MGRN1: variants seen among roughly 807,000 people sequenced by gnomAD.
MGRN1 encodes E3 ubiquitin-protein ligase MGRN1.
Under a neutral mutation model 69.2 loss-of-function variants are expected in MGRN1, and 29 were observed. The observed-to-expected ratio is 0.42, with a 90% confidence interval of 0.31 to 0.57. The LOEUF (loss-of-function observed/expected upper bound fraction) is 0.57, where lower values mean the gene tolerates loss of function less well. Among genes scored for constraint, MGRN1 ranks in the 20% least tolerant of loss-of-function variants. The pLI is 0.15. For synonymous variants in MGRN1, 470 were observed against 344.2 expected, an observed-to-expected ratio of 1.37 and a Z score of -4.04; for missense variants, 998 against 796.2, an observed-to-expected ratio of 1.25 and a Z score of -3.05.
chr16:4,654,415 T>G (rs1210426419), intron 4 of MGRN1, among the ~76,000 whole-genome samples: 2 of 152,244 alleles, frequency 1.3e-5, no homozygotes, highest in Admixed American at 6.5e-5. Context: ...ATAAGGGTCC[T>G]TCTGGCCCTG....
chr16:4,677,594 C>T (rs776348227), intron 11 of MGRN1, 22 bp downstream of exon 11: 55 of 1,590,448 alleles, frequency 3.5e-5, no homozygotes, highest in African/African-American at 2.3e-4. Context: ...CTCCTGCCTG[C>T]GGGATGGGCG....
At chr16:4,673,350 G>T in intron 9 of MGRN1, 148 bp from the exon 10 acceptor site, 1 of 1,082,834 alleles carries the variant, frequency 9.2e-7, no homozygotes, top group Non-Finnish European at 1.3e-6. Flanking sequence ...TTCTGCTCTG[G>T]GGCAACCTCC....
intron 6 of MGRN1, 68 bp downstream of exon 6, chr16:4,664,843 G>T: frequency 6.3e-7 from 1 of 1,582,816 alleles, no homozygotes; most frequent in South Asian, 1.1e-5. Flanking sequence ...TCTTGAGGGA[G>T]GAGTGCTTGC....
At chr16:4,686,600 G>T (rs2079325337) in intron 16 of MGRN1, 11 of 1,227,630 alleles carry the variant, frequency 9.0e-6, no homozygotes, top group Non-Finnish European at 1.1e-5. Flanking sequence ...TCCCAGCCCA[G>T]GCAGGGAGAC....
rs1189232753 is a variant in MGRN1 at position 4,690,577 on chromosome 16, C to A, written c.*1669C>A. The A allele has an allele frequency of 6.6e-6, 1 of 152,436 alleles. No homozygotes were observed. Among genetic ancestry groups the A allele is most frequent in the African/African-American group, 2.4e-5 (1 of 41,454 alleles). The allele number at this position is 152,436 out of a possible 1,614,324, so 9.4% of individuals were successfully genotyped here. On this transcript the variant is annotated 3_prime_UTR_variant, in exon 17 of 17. Transcript: ENST00000262370. ...ACACGTACACACACACAAATGCACG[C>A]CCACTTGCACATGCTCACGCACATG...
At chr16:4,640,733 G>C (rs1449453406) in intron 1 of MGRN1, 1 of 152,250 alleles carries the variant, frequency 6.6e-6, no homozygotes, top group East Asian at 1.9e-4. Flanking sequence ...CTTGGGTGTG[G>C]TTTTTTGTGT....
chr16:4,665,765 G>A (rs977931734), intron 7 of MGRN1, among the ~76,000 whole-genome samples: 1 of 151,300 alleles, frequency 6.6e-6, no homozygotes, highest in Admixed American at 6.6e-5. Context: ...TGCCTCCCAG[G>A]TTCAAGCGAT....
chr16:4,671,809 G>C (rs2078943332), intron 9 of MGRN1, among the ~76,000 whole-genome samples: 1 of 152,172 alleles, frequency 6.6e-6, no homozygotes, highest in African/African-American at 2.4e-5. Flanking sequence ...CTGGGGGAGG[G>C]ATGCTTATTC....
rs189025919 is a variant in MGRN1, at chr16:4,663,086, C to T, written c.562-1623C>T. ...CCATATTTTGTTTTTGTTTTTGAGACGGAGTCTCACTGTGTCGCCCAGGCT... is the reference window on the plus strand; with the variant it reads ...CCATATTTTGTTTTTGTTTTTGAGATGGAGTCTCACTGTGTCGCCCAGGCT... On this transcript the variant is annotated intron_variant, in intron 5 of 16. Coordinates refer to ENST00000262370, the MANE Select transcript of MGRN1 (RefSeq NM_015246.4). Among the ~76,000 whole-genome samples the T allele has an allele frequency of 2.0e-4, 30 of 152,310 alleles. 1 individual carries two copies. Among genetic ancestry groups the T allele is most frequent in the Admixed American group, 1.5e-3 (23 of 15,308 alleles).
In MGRN1 at chr16:4,627,147, C is replaced by T. The variant is rs114582036; in HGVS notation, c.88+2099C>T. Among the ~76,000 whole-genome samples the T allele has an allele frequency of 1.4e-3, 213 of 152,282 alleles. 1 individual carries two copies. Among genetic ancestry groups the T allele is most frequent in the African/African-American group, 4.6e-3 (192 of 41,574 alleles). ...TTGGTGTGTTTCCCCAAGGGCAGAC[C>T]GGGGACCGTGGAGACATTTGAGATG... On this transcript the variant is annotated intron_variant, in intron 1 of 16. Transcript: ENST00000262370.
intron 16 of MGRN1, chr16:4,687,005 A>G (rs2079337539): frequency 5.1e-6 from 5 of 985,362 alleles, no homozygotes; most frequent in African/African-American, 1.7e-5. Flanking sequence ...TCACACAGCC[A>G]CCTGCTCCCC....
At chr16:4,677,061 G>C (rs1340466564) in intron 10 of MGRN1, 1 of 163,592 alleles carries the variant, frequency 6.1e-6, no homozygotes, top group African/African-American at 2.4e-5. Flanking sequence ...GCAGCCTGGA[G>C]CTTCAGGGGT....
rs768274395 is a variant in MGRN1 at position 4,683,275 on chromosome 16, C to T, written c.1528+6C>T. ...GTCGTCGTCACCACAGCAAGGTGAG[C>T]GCCTCCTTCCATGGGCACAAACCGC... On this transcript the variant is annotated splice_donor_region_variant and intron_variant, in intron 15 of 16. Transcript: ENST00000262370. 50 of 1,613,456 alleles carry T rather than the reference C, an allele frequency of 3.1e-5. No homozygotes were observed. In the East Asian group the frequency reaches 5.6e-4, roughly 18 times the overall value.
intron 1 of MGRN1, among the ~76,000 whole-genome samples, chr16:4,631,354 A>C (rs1232768571): frequency 6.6e-6 from 1 of 152,244 alleles, no homozygotes; most frequent in Non-Finnish European, 1.5e-5. Context: ...CCCACCAGTT[A>C]ACCATGAATG....
intron 4 of MGRN1, among the ~76,000 whole-genome samples, chr16:4,653,630 A>G (rs113532235): frequency 5.1e-4 from 77 of 152,084 alleles, no homozygotes; most frequent in African/African-American, 1.7e-3. Context: ...CTGGGACTAC[A>G]GGCACGTGCC....
At position 4,689,144 on chromosome 16, in the gene MGRN1, C is replaced by T; in HGVS notation, c.*236C>T. 2 of 553,012 alleles carry T rather than the reference C, an allele frequency of 3.6e-6. No individual in the cohort carries two copies. Among genetic ancestry groups the T allele is most frequent in the Non-Finnish European group, 5.8e-6 (2 of 344,442 alleles). The allele number at this position is 553,012 out of a possible 1,614,324, so 34.3% of individuals were successfully genotyped here. A position where few individuals can be genotyped will look rare whatever the true frequency, so the allele number is the denominator to read the frequency against. ...AAGATGAAGGACAGCAGCTTTCCAT[C>T]CCTAGTTCAGAGCCCCCGTTCCCCA... On this transcript the variant is annotated 3_prime_UTR_variant, in exon 17 of 17. Transcript: ENST00000262370.
At position 4,686,413 on chromosome 16, in the gene MGRN1, G is replaced by A. The variant is rs527768652; in HGVS notation, c.1619-2383G>A. On this transcript the variant is annotated intron_variant, in intron 16 of 16. Coordinates refer to ENST00000262370, the MANE Select transcript of MGRN1 (RefSeq NM_015246.4). ...CCTTCTGGTTTTTGGGTCTTCGTCCGCATCCGCATCTTCCCAGGGGCCCTG... is the reference window on the plus strand; with the variant it reads ...CCTTCTGGTTTTTGGGTCTTCGTCCACATCCGCATCTTCCCAGGGGCCCTG... 1.2e-5 allele frequency: 18 copies of A among 1,457,292 alleles called. No homozygotes were observed. The East Asian group carries it at 2.3e-4, about 19-fold the overall frequency. The allele number at this position is 1,457,292 out of a possible 1,614,324, so 90.3% of individuals were successfully genotyped here.
chr16:4,686,498 G>A, intron 16 of MGRN1: 1 of 1,384,230 alleles, frequency 7.2e-7, no homozygotes, highest in Non-Finnish European at 9.3e-7. Context: ...GTGGCCTCCT[G>A]GGGGGTCCTG....
intron 14 of MGRN1, 106 bp from the exon 15 acceptor site, chr16:4,683,118 T>G: frequency 6.5e-7 from 1 of 1,528,180 alleles, no homozygotes; most frequent in Non-Finnish European, 9.0e-7. Flanking sequence ...CACCCCCTGG[T>G]GGAGCGGCTG....
Sources: allele counts gnomAD v4.1 joint callset (sites outside exome capture counted in the v4.1 genomes callset), GRCh38; gene constraint gnomAD v4.1.1; transcripts MANE v1.5; gene names NCBI Gene and HGNC (gene_info 2026-07-23, HGNC 2026-07-21).